Variants in ERBB4 observed in about 807,000 individuals in gnomAD.
ERBB4 encodes erb-b2 receptor tyrosine kinase 4, also known as receptor tyrosine-protein kinase erbB-4.
In ERBB4, 42 loss-of-function variants were observed where a neutral mutation model predicts 158.0. The observed-to-expected ratio is 0.27, with a 90% CI of 0.21 to 0.34. ERBB4 has a LOEUF of 0.34. Among genes scored for constraint, ERBB4 ranks in the 10% least tolerant of loss-of-function variants. The pLI is 1.00. For synonymous variants in ERBB4, 583 were observed against 558.7 expected, an observed-to-expected ratio of 1.04 and a Z score of -0.61; for missense variants, 1,333 against 1,624.1, an observed-to-expected ratio of 0.82 and a Z score of 3.08.
intron 1 of ERBB4, among the ~76,000 whole-genome samples, chr2:212,184,295 C>A (rs921395017): frequency 2.0e-5 from 3 of 152,152 alleles, no homozygotes; most frequent in African/African-American, 7.2e-5. Context: ...TTCTAAGACC[C>A]TGCCGAAAAC....
chr2:212,026,785 A>G (rs2076781623), intron 2 of ERBB4, among the ~76,000 whole-genome samples: 1 of 151,840 alleles, frequency 6.6e-6, no homozygotes, highest in Non-Finnish European at 1.5e-5. Context: ...ATCTCAGGTA[A>G]TCTCCTGGAG....
In ERBB4 at chr2:211,702,182, T is replaced by A. The variant is rs1331865201; in HGVS notation, c.1290-16A>T. ...GGACAGGCCACTAAGGAGGGGGAAG[T>A]GAGAAAACGGAACCATGAAACGCAT... On this transcript the variant is annotated splice_polypyrimidine_tract_variant and intron_variant, in intron 11 of 27. Coordinates refer to ENST00000342788, the MANE Select transcript of ERBB4 (RefSeq NM_005235.3). The A allele has an allele frequency of 1.2e-6, 2 of 1,606,206 alleles. No individual in the cohort carries two copies. Among genetic ancestry groups the A allele is most frequent in the South Asian group, 1.1e-5 (1 of 90,914 alleles).
At chr2:212,137,447 G>C (rs2080307805) in intron 1 of ERBB4, among the ~76,000 whole-genome samples, 1 of 152,130 alleles carries the variant, frequency 6.6e-6, no homozygotes, top group African/African-American at 2.4e-5. Flanking sequence ...CTGTTCCTGT[G>C]TTAGTATGCT....
chr2:211,799,202 A>G (rs1199375821), intron 3 of ERBB4, among the ~76,000 whole-genome samples: 1 of 152,120 alleles, frequency 6.6e-6, no homozygotes, highest in Non-Finnish European at 1.5e-5. Flanking sequence ...TAATTCAAAA[A>G]CACAATATTC....
intron 1 of ERBB4, among the ~76,000 whole-genome samples, chr2:212,450,509 G>T (rs2092429911): frequency 6.6e-6 from 1 of 152,234 alleles, no homozygotes; most frequent in African/African-American, 2.4e-5. Context: ...AGATAGATAG[G>T]CACCAGAAGC....
chr2:211,573,186 A>C (rs1449543393), intron 19 of ERBB4, among the ~76,000 whole-genome samples: 1 of 152,114 alleles, frequency 6.6e-6, no homozygotes, highest in Non-Finnish European at 1.5e-5. Flanking sequence ...GGAGACAGAA[A>C]TTAGAGTGAT....
chr2:211,710,796 T>C (rs13031768), intron 9 of ERBB4, among the ~76,000 whole-genome samples: 17,499 of 152,062 alleles, frequency 0.12, 1,209 homozygotes, highest in South Asian at 0.18. Context: ...TGCCACCATG[T>C]AAGACATGCT....
intron 1 of ERBB4, among the ~76,000 whole-genome samples, chr2:212,495,032 G>T (rs1434852650): frequency 6.6e-6 from 1 of 152,024 alleles, no homozygotes; most frequent in East Asian, 1.9e-4. Flanking sequence ...AACTTACATT[G>T]AAAATTAAGA....
chr2:211,917,058 G>A (rs1285077786), intron 3 of ERBB4, among the ~76,000 whole-genome samples: 1 of 152,104 alleles, frequency 6.6e-6, no homozygotes, highest in South Asian at 2.1e-4. Flanking sequence ...GGGAGGCAAG[G>A]TGGCCACGGC....
intron 19 of ERBB4, among the ~76,000 whole-genome samples, chr2:211,608,574 C>A (rs1047988286): frequency 1.3e-5 from 2 of 152,202 alleles, no homozygotes; most frequent in Non-Finnish European, 1.5e-5. Flanking sequence ...TCATTTAATT[C>A]TTTATAATTT....
intron 2 of ERBB4, among the ~76,000 whole-genome samples, chr2:212,105,331 G>A (rs1326946697): frequency 6.6e-6 from 1 of 152,136 alleles, no homozygotes; most frequent in Non-Finnish European, 1.5e-5. Flanking sequence ...GTAGAAAATA[G>A]TTTACATAGC....
intron 27 of ERBB4, 102 bp from the exon 28 acceptor site, chr2:211,384,162 AC>A: frequency 1.2e-6 from 1 of 819,426 alleles, no homozygotes; most frequent in Middle Eastern, 2.7e-4. Context: ...GAACAAAAAA[AC>A]CCACAGATTT....
At chr2:211,674,613 A>G (rs1436090403) in intron 13 of ERBB4, among the ~76,000 whole-genome samples, 1 of 152,146 alleles carries the variant, frequency 6.6e-6, no homozygotes, top group East Asian at 1.9e-4. Context: ...ACAATTACAT[A>G]AAGACAGGTG....
At chr2:212,048,037 G>C (rs971702056) in intron 2 of ERBB4, among the ~76,000 whole-genome samples, 1 of 152,106 alleles carries the variant, frequency 6.6e-6, no homozygotes, top group Non-Finnish European at 1.5e-5. Flanking sequence ...TGATATTTAA[G>C]CCCAGCTATA....
chr2:212,218,166 T>A (rs1033319904), intron 1 of ERBB4, among the ~76,000 whole-genome samples: 1 of 151,314 alleles, frequency 6.6e-6, no homozygotes, highest in Non-Finnish European at 1.5e-5. Context: ...GCATAAAACC[T>A]TTTTTATAAG....
At chr2:212,126,585 C>A (rs1056061789) in intron 1 of ERBB4, among the ~76,000 whole-genome samples, 1 of 151,686 alleles carries the variant, frequency 6.6e-6, no homozygotes, top group African/African-American at 2.4e-5. Context: ...TGACTCTAAT[C>A]CTAAGTAGAT....
intron 5 of ERBB4, among the ~76,000 whole-genome samples, chr2:211,736,326 G>A (rs2074600266): frequency 6.6e-6 from 1 of 152,148 alleles, no homozygotes; most frequent in East Asian, 1.9e-4. Context: ...ATGTTTTGAG[G>A]AATAATGCTG....
At chr2:211,700,239 G>A (rs774647130) in intron 12 of ERBB4, among the ~76,000 whole-genome samples, 16 of 152,062 alleles carry the variant, frequency 1.1e-4, no homozygotes, top group Non-Finnish European at 1.0e-4. Context: ...CACACATATT[G>A]TGATATGGGG....
chr2:211,977,904 T>A (rs2081663907), intron 2 of ERBB4, among the ~76,000 whole-genome samples: 1 of 148,704 alleles, frequency 6.7e-6, no homozygotes, highest in Non-Finnish European at 1.5e-5. Flanking sequence ...AGTTAGAGGT[T>A]ATAAGAGCAA....
Sources: allele counts gnomAD v4.1 joint callset (sites outside exome capture counted in the v4.1 genomes callset), GRCh38; gene constraint gnomAD v4.1.1; transcripts MANE v1.5; gene names NCBI Gene and HGNC (gene_info 2026-07-23, HGNC 2026-07-21).